The following DPY19L2 variants were observed in gnomAD, a reference collection of about 807,000 sequenced individuals.
The protein encoded by DPY19L2 is probable C-mannosyltransferase DPY19L2.
In DPY19L2, 34 loss-of-function variants were observed where a neutral mutation model predicts 97.9. That is an observed-to-expected ratio of 0.35 (90% confidence interval 0.26 to 0.46). The LOEUF is 0.46. DPY19L2 is among the 20% of genes least tolerant of loss of function. The probability of loss-of-function intolerance (pLI) is 1.00; values close to 1 mark genes in which losing one functional copy is unlikely to be tolerated. For synonymous variants in DPY19L2, 230 were observed against 307.9 expected (o/e 0.75, Z 2.65); for missense variants, 623 against 911.4 (o/e 0.68, Z 4.07).
At position 63,559,519 on chromosome 12, in the gene DPY19L2, A is replaced by G. The variant is rs1399154212; in HGVS notation, c.*993T>C. The stretch of plus-strand genomic sequence containing the variant: ...AAAGCACTATTGTTGGGTAGGTTTT[A>G]TTAGGGGAGAGGACTTAGAAAACAT... On this transcript the variant is annotated 3_prime_UTR_variant, in exon 22 of 22. Coordinates refer to ENST00000324472, the MANE Select transcript of DPY19L2 (RefSeq NM_173812.5). 1 of 152,622 alleles carries G rather than the reference A, an allele frequency of 6.6e-6. No individual in the cohort carries two copies. Among genetic ancestry groups the G allele is most frequent in the African/African-American group, 2.4e-5 (1 of 41,456 alleles). The allele number at this position is 152,622 out of a possible 1,614,324, so 9.5% of individuals were successfully genotyped here. A position where few individuals can be genotyped will look rare whatever the true frequency, so the allele number is the denominator to read the frequency against.
chr12:63,587,779 G>C (rs1043240409), intron 16 of DPY19L2, among the ~76,000 whole-genome samples: 1 of 151,912 alleles, frequency 6.6e-6, no homozygotes, highest in African/African-American at 2.4e-5. Context: ...CACCGTGTTG[G>C]CCAGGATGGT....
chr12:63,594,518 T>TTGTG (rs796987462), intron 15 of DPY19L2, among the ~76,000 whole-genome samples: 1 of 100,620 alleles, frequency 9.9e-6, no homozygotes, highest in African/African-American at 4.0e-5. Context: ...CTACAGGGAT[T>TTGTG]TGTGTGTGTG....
chr12:63,584,627 C>T (rs954820462), intron 16 of DPY19L2, among the ~76,000 whole-genome samples: 5 of 152,238 alleles, frequency 3.3e-5, no homozygotes, highest in African/African-American at 7.2e-5. Flanking sequence ...TATACGTCAC[C>T]GGCCTGTTAG....
chr12:63,664,722 T>C (rs12580527), intron 2 of DPY19L2, among the ~76,000 whole-genome samples: 25,420 of 152,118 alleles, frequency 0.17, 2,280 homozygotes, highest in East Asian at 0.28. Context: ...TCAACAATTA[T>C]GCTATAGCTA....
intron 11 of DPY19L2, among the ~76,000 whole-genome samples, chr12:63,615,315 T>C (rs1462464123): frequency 1.3e-5 from 2 of 152,128 alleles, no homozygotes; most frequent in Non-Finnish European, 1.5e-5. Flanking sequence ...AAATGAACTT[T>C]AGATGACAGA....
At chr12:63,627,820 T>A (rs1184718722) in intron 6 of DPY19L2, among the ~76,000 whole-genome samples, 1 of 152,152 alleles carries the variant, frequency 6.6e-6, no homozygotes, top group Non-Finnish European at 1.5e-5. Flanking sequence ...AGGTTCTTTA[T>A]CTGTCTTGTT....
intron 19 of DPY19L2, among the ~76,000 whole-genome samples, chr12:63,574,389 AAAAG>A (rs763176396): frequency 6.6e-6 from 1 of 152,050 alleles, no homozygotes; most frequent in East Asian, 1.9e-4. Flanking sequence ...CAATGAAAGA[AAAAG>A]AGGAAGGAAG....
At chr12:63,634,795 G>T (rs1891370556) in intron 6 of DPY19L2, among the ~76,000 whole-genome samples, 2 of 152,128 alleles carry the variant, frequency 1.3e-5, no homozygotes, top group South Asian at 4.1e-4. Flanking sequence ...AGCTCGAACA[G>T]GGTGGAGCCC....
chr12:63,608,400 G>A (rs1245635349), intron 12 of DPY19L2, among the ~76,000 whole-genome samples: 1 of 152,182 alleles, frequency 6.6e-6, no homozygotes, highest in Non-Finnish European at 1.5e-5. Flanking sequence ...AAAGTTAGTT[G>A]TGAAATATGT....
At chr12:63,592,452 T>C (rs1330873328) in intron 16 of DPY19L2, among the ~76,000 whole-genome samples, 1 of 148,046 alleles carries the variant, frequency 6.8e-6, no homozygotes, top group Non-Finnish European at 1.5e-5. Context: ...TATAGATCAA[T>C]GGAACAGAAC....
chr12:63,597,283 A>T (rs2137535312), intron 14 of DPY19L2, among the ~76,000 whole-genome samples: 1 of 152,184 alleles, frequency 6.6e-6, no homozygotes, highest in East Asian at 1.9e-4. Flanking sequence ...CCTATATTTT[A>T]AAGCTTTATA....
chr12:63,630,772 C>G (rs755230973), intron 6 of DPY19L2, among the ~76,000 whole-genome samples: 1 of 152,152 alleles, frequency 6.6e-6, no homozygotes, highest in Non-Finnish European at 1.5e-5. Context: ...ACATTCTTCT[C>G]AGCACCACAC....
chr12:63,588,746 T>C (rs946143286), intron 16 of DPY19L2, among the ~76,000 whole-genome samples: 6 of 63,762 alleles, frequency 9.4e-5, no homozygotes, highest in Non-Finnish European at 1.6e-4. Context: ...GGAAACTTTC[T>C]TTTTTTTTTT....
chr12:63,596,612 T>A, intron 14 of DPY19L2, among the ~76,000 whole-genome samples: 1 of 152,184 alleles, frequency 6.6e-6, no homozygotes, highest in Non-Finnish European at 1.5e-5. Flanking sequence ...AACTGCCTCA[T>A]GGATAACTAG....
At chr12:63,651,659 G>A (rs1479225962) in intron 4 of DPY19L2, 11 of 437,050 alleles carry the variant, frequency 2.5e-5, no homozygotes, top group South Asian at 4.0e-5. Flanking sequence ...CAGAGACTGC[G>A]CGGTGCATTG....
intron 19 of DPY19L2, among the ~76,000 whole-genome samples, chr12:63,576,014 C>T (rs754322321): frequency 1.3e-5 from 2 of 151,918 alleles, no homozygotes; most frequent in African/African-American, 2.4e-5. Context: ...GGGCCAAAAT[C>T]TCTGATTAAT....
chr12:63,660,585 A>G (rs1234529077), intron 4 of DPY19L2, among the ~76,000 whole-genome samples: 1 of 152,040 alleles, frequency 6.6e-6, no homozygotes, highest in East Asian at 1.9e-4. Flanking sequence ...GACAAAGATT[A>G]GCATTTATTT....
intron 11 of DPY19L2, 127 bp downstream of exon 11, chr12:63,617,177 G>C: frequency 3.3e-6 from 2 of 607,612 alleles, no homozygotes; most frequent in South Asian, 4.2e-5. Context: ...GCTTTGCTTG[G>C]GAAGAATTTT....
rs1064021 is a variant in DPY19L2 at position 63,560,575 on chromosome 12, G to A, written c.2214C>T (p.Asp738=). 1.5e-4 allele frequency: 235 copies of A among 1,613,986 alleles called. No homozygotes were observed. In the African/African-American group the frequency reaches 2.4e-3, roughly 16 times the overall value. The change falls in exon 22 of 22, where the codon GAC becomes GAT. Residue 738 remains aspartate, a synonymous_variant. Coordinates refer to ENST00000324472, the MANE Select transcript of DPY19L2 (RefSeq NM_173812.5). The part of the protein sequence containing the change: ...NPPLCSVLLE[D]ARPYFTTVFQ... Reference sequence around the variant, plus strand: ...ATACTGTGGTGAAGTAAGGCCTGGCGTCTTCGAGCAGGACGCTACATAAGG... The same window carrying A: ...ATACTGTGGTGAAGTAAGGCCTGGCATCTTCGAGCAGGACGCTACATAAGG...
Sources: gnomAD v4.1 joint callset for allele counts (sites outside exome capture counted in the v4.1 genomes callset) on GRCh38, gnomAD v4.1.1 for gene constraint, MANE v1.5 for transcripts, NCBI Gene and HGNC (gene_info 2026-07-23, HGNC 2026-07-21) for gene names.